Variants in CALN1 observed in about 807,000 individuals in gnomAD.
CALN1 encodes the protein calneuron 1.
A neutral mutation model predicts 30.6 loss-of-function variants in CALN1; 17 were observed. That is an observed-to-expected ratio of 0.56 (90% CI 0.38 to 0.83). The LOEUF (loss-of-function observed/expected upper bound fraction) is 0.83, where lower values mean the gene tolerates loss of function less well. Among genes scored for constraint, CALN1 ranks in the 40% least tolerant of loss-of-function variants. The pLI, the probability that CALN1 is intolerant of heterozygous loss-of-function variation, is 0.00. For missense variants in CALN1, 291 were observed against 354.9 expected (o/e 0.82, Z 1.45); for synonymous variants, 156 against 131.4 (o/e 1.19, Z -1.28).
chr7:71,883,838 C>T (rs537256536), intron 5 of CALN1, among the ~76,000 whole-genome samples: 1 of 152,156 alleles, frequency 6.6e-6, no homozygotes, highest in Non-Finnish European at 1.5e-5. Context: ...CACCGCTGCC[C>T]AAGACACATA....
intron 5 of CALN1, among the ~76,000 whole-genome samples, chr7:71,889,184 C>T (rs1347002441): frequency 1.3e-5 from 2 of 152,194 alleles, no homozygotes; most frequent in Non-Finnish European, 2.9e-5. Flanking sequence ...ATTTACTTCT[C>T]ACAGCTCTGG....
intron 3 of CALN1, among the ~76,000 whole-genome samples, chr7:72,235,967 G>A (rs1794450648): frequency 1.3e-5 from 2 of 151,780 alleles, no homozygotes; most frequent in Admixed American, 1.3e-4. Context: ...TTCTGGGCCA[G>A]GCACAGTGGC....
At chr7:72,273,223 G>A (rs1797111073) in intron 3 of CALN1, among the ~76,000 whole-genome samples, 1 of 152,086 alleles carries the variant, frequency 6.6e-6, no homozygotes, top group Non-Finnish European at 1.5e-5. Context: ...CACAAGGTCA[G>A]GAGTTCGAGA....
Position 72,175,952 on chromosome 7 carries a change from A to G in CALN1, c.245-69658T>C, listed in dbSNP as rs187786783. Among the ~76,000 whole-genome samples the G allele has an allele frequency of 7.6e-3, 1,098 of 143,838 alleles. 15 individuals are homozygous for G. The highest frequency in any genetic ancestry group is 0.026 in the African/African-American group (1,015 of 38,840). 94.4% of individuals were successfully genotyped at this position (143,838 alleles called of 152,430 possible). On this transcript the variant is annotated intron_variant, in intron 3 of 6. Coordinates refer to ENST00000395275, the MANE Select transcript of CALN1 (RefSeq NM_031468.4). ...CCTTTCCCTTTAAGTGCACTAAAAT[A>G]AAAAAAAAACTAAATGCAAACTCAG...
intron 6 of CALN1, among the ~76,000 whole-genome samples, chr7:71,806,273 C>CAAACAAACACACACATGCACACATACAA (rs1554341707): frequency 6.7e-6 from 1 of 149,798 alleles, no homozygotes; most frequent in African/African-American, 2.5e-5. Context: ...CACACACAAA[C>CAAACAAACACACACATGCACACATACAA]ACACACACAC....
In CALN1 at chr7:71,972,025, A is replaced by G. The variant is rs531958478; in HGVS notation, c.501+51632T>C. ...AAAGAAAAAAAGAAAGAAAAGAAAG[A>G]AAGAAAGAAAGACACACTCAGAGTT... On this transcript the variant is annotated intron_variant, in intron 5 of 6. Coordinates refer to ENST00000395275, the MANE Select transcript of CALN1 (RefSeq NM_031468.4). Among the ~76,000 whole-genome samples, 3 of 149,008 alleles carry G rather than the reference A, an allele frequency of 2.0e-5. No individual in the cohort carries two copies. The East Asian group carries it at 5.9e-4, about 29-fold the overall frequency.
intron 3 of CALN1, among the ~76,000 whole-genome samples, chr7:72,278,010 G>C (rs1442058449): frequency 1.1e-5 from 1 of 90,432 alleles, no homozygotes; most frequent in Non-Finnish European, 2.0e-5. Flanking sequence ...CTCTATTCCG[G>C]GGGGGGGGGA....
At chr7:72,475,943 T>TC in the CALN1 span, among the ~76,000 whole-genome samples, 1 of 60,142 alleles carries the variant, frequency 1.7e-5, no homozygotes, top group African/African-American at 1.3e-4. Flanking sequence ...CTCTCTCTCT[T>TC]TTTTTTTTTT....
intron 2 of CALN1, among the ~76,000 whole-genome samples, chr7:72,355,395 G>A (rs1377675178): frequency 6.8e-6 from 1 of 148,122 alleles, no homozygotes; most frequent in South Asian, 2.4e-4. Context: ...GCGTGGTGGC[G>A]CACGCCTGTA....
At chr7:72,186,994 ACAGGG>A (rs1790251288) in intron 3 of CALN1, among the ~76,000 whole-genome samples, 2 of 149,856 alleles carry the variant, frequency 1.3e-5, no homozygotes, top group African/African-American at 4.9e-5. Flanking sequence ...CCAGAAAGGG[ACAGGG>A]CAAGTAGGGG....
In CALN1 at chr7:71,975,906, G is replaced by T. The variant is rs1376446592; in HGVS notation, c.501+47751C>A. Among the ~76,000 whole-genome samples, 6 of 148,676 alleles carry T rather than the reference G, an allele frequency of 4.0e-5. No homozygotes were observed. In the South Asian group the frequency reaches 1.4e-3, roughly 34 times the overall value. ...TAGGTTAGGTTGGTGCCAAAGTAAT[G>T]GCAGCTTTTGCCATTACTTTTGATG... On this transcript the variant is annotated intron_variant, in intron 5 of 6. Coordinates refer to ENST00000395275, the MANE Select transcript of CALN1 (RefSeq NM_031468.4).
the CALN1 span, among the ~76,000 whole-genome samples, chr7:72,464,449 G>A: frequency 6.6e-6 from 1 of 152,086 alleles, no homozygotes; most frequent in Admixed American, 6.5e-5. Flanking sequence ...TATTCCAATG[G>A]TGACCAAATG....
At chr7:72,298,121 T>C (rs1798995095) in intron 2 of CALN1, among the ~76,000 whole-genome samples, 1 of 152,222 alleles carries the variant, frequency 6.6e-6, no homozygotes, top group African/African-American at 2.4e-5. Context: ...GAAGCGGTGA[T>C]TTCCTCAATC....
At chr7:71,808,844 G>A (rs181210674) in intron 6 of CALN1, among the ~76,000 whole-genome samples, 16 of 152,258 alleles carry the variant, frequency 1.1e-4, no homozygotes, top group East Asian at 9.7e-4. Context: ...AGCCCCGAGC[G>A]AGATGGATTG....
intron 4 of CALN1, among the ~76,000 whole-genome samples, chr7:72,074,941 A>G (rs1358929215): frequency 6.6e-6 from 1 of 152,264 alleles, no homozygotes; most frequent in Non-Finnish European, 1.5e-5. Context: ...AACAGAAGTC[A>G]AAAACTTATT....
At chr7:72,200,355 T>G (rs1239777799) in intron 3 of CALN1, among the ~76,000 whole-genome samples, 3 of 152,184 alleles carry the variant, frequency 2.0e-5, no homozygotes, top group Non-Finnish European at 4.4e-5. Context: ...CTAGAAATGT[T>G]AATAGTGCCT....
rs1285237361 is a variant in CALN1, at chr7:72,369,330, A to ATAT, written c.119+33920_119+33921insATA. Among the ~76,000 whole-genome samples the ATAT allele has an allele frequency of 6.1e-3, 892 of 145,382 alleles. 10 individuals carry two copies. Among genetic ancestry groups the ATAT allele is most frequent in the African/African-American group, 0.021 (857 of 39,990 alleles). On this transcript the variant is annotated intron_variant, in intron 2 of 6. Transcript: ENST00000395275. ...ATTTATAAATATTTATAATATATAT[A>ATAT]ATTTATAAATATTATAAATATTTAT... is the stretch of plus-strand genomic sequence containing the variant.
chr7:72,439,403 C>A (rs184678340), intron 1 of CALN1, among the ~76,000 whole-genome samples: 2 of 151,952 alleles, frequency 1.3e-5, no homozygotes, highest in Admixed American at 6.6e-5. Context: ...TTACTGATAA[C>A]GTAAACAGTT....
the CALN1 span, among the ~76,000 whole-genome samples, chr7:72,486,361 C>T: frequency 6.6e-6 from 1 of 151,898 alleles, no homozygotes; most frequent in African/African-American, 2.4e-5. Context: ...ATATCATACC[C>T]TTTTTTACAA....
Sources: allele counts gnomAD v4.1 joint callset (sites outside exome capture counted in the v4.1 genomes callset), GRCh38; gene constraint gnomAD v4.1.1; transcripts MANE v1.5; gene names NCBI Gene and HGNC (gene_info 2026-07-23, HGNC 2026-07-21).